OTOGL: variants seen among roughly 807,000 people sequenced by gnomAD.
OTOGL encodes otogelin-like protein.
A neutral mutation model predicts 318.5 loss-of-function variants in OTOGL; 285 were observed. That is an observed-to-expected ratio of 0.89 (90% CI 0.81 to 0.99). The LOEUF (loss-of-function observed/expected upper bound fraction) is 0.99. Ranked by LOEUF, OTOGL falls within the 50% of genes least tolerant of loss-of-function variation. OTOGL has a pLI of 0.00. For synonymous variants in OTOGL, 987 were observed against 936.5 expected (o/e 1.05, Z -0.99); for missense variants, 2,899 against 2,845.6 (o/e 1.02, Z -0.43).
intron 1 of OTOGL, among the ~76,000 whole-genome samples, chr12:80,128,188 T>C (rs1870982296): frequency 6.6e-6 from 1 of 152,178 alleles, no homozygotes; most frequent in Non-Finnish European, 1.5e-5. Flanking sequence ...CCTTTTGTCT[T>C]TGATGATGGT....
intron 1 of OTOGL, among the ~76,000 whole-genome samples, chr12:80,160,674 G>A (rs1873449126): frequency 6.6e-6 from 1 of 152,148 alleles, no homozygotes; most frequent in Admixed American, 6.6e-5. Context: ...AAACCGTGTG[G>A]AGATTCTTTC....
rs1002707739 is a variant in OTOGL, at chr12:80,251,881, C to T, written c.1159+82C>T. On this transcript the variant is annotated intron_variant, in intron 12 of 58. Coordinates refer to ENST00000547103, the MANE Select transcript of OTOGL (RefSeq NM_001378609.3). Reference sequence around the variant, plus strand: ...AGAACTCAAAACTTACTGTACTACTCAATACTAATGAATTGCAAGGATTTG... The same window carrying T: ...AGAACTCAAAACTTACTGTACTACTTAATACTAATGAATTGCAAGGATTTG... 4 of 1,266,414 alleles carry T rather than the reference C, an allele frequency of 3.2e-6. No individual in the cohort carries two copies. The African/African-American group carries it at 4.5e-5, about 14-fold the overall frequency. 78.4% of individuals were successfully genotyped at this position (1,266,414 alleles called of 1,614,324 possible).
At chr12:80,240,547 G>A (rs11114363) in intron 11 of OTOGL, among the ~76,000 whole-genome samples, 7,055 of 152,072 alleles carry the variant, frequency 0.046, 556 homozygotes, top group African/African-American at 0.16. Flanking sequence ...AGTGATTAGT[G>A]TAAACAGTGC....
Position 80,370,817 on chromosome 12 carries a change from A to G in OTOGL, c.6735+128A>G, listed in dbSNP as rs1326703777. The G allele has an allele frequency of 1.0e-5, 7 of 676,340 alleles. No individual in the cohort carries two copies. In the South Asian group the frequency reaches 2.7e-4, roughly 26 times the overall value. The allele number at this position is 676,340 out of a possible 1,614,324, so 41.9% of individuals were successfully genotyped here. A position where few individuals can be genotyped will look rare whatever the true frequency, so the allele number is the denominator to read the frequency against. On this transcript the variant is annotated intron_variant, in intron 56 of 58. Transcript: ENST00000547103. ...GGCGAATGTGTTATTTTCATGAATG[A>G]ATAAAAGCTCTGTTCTATTTTTCCC... is the stretch of plus-strand genomic sequence containing the variant.
At chr12:80,192,968 A>T (rs186279419) in intron 1 of OTOGL, among the ~76,000 whole-genome samples, 1 of 150,960 alleles carries the variant, frequency 6.6e-6, no homozygotes, top group Non-Finnish European at 1.5e-5. Flanking sequence ...ATTCTTACAT[A>T]GTATGGGCTC....
chr12:80,246,345 C>A (rs1880885027), intron 11 of OTOGL, among the ~76,000 whole-genome samples: 1 of 144,612 alleles, frequency 6.9e-6, no homozygotes, highest in Admixed American at 6.8e-5. Flanking sequence ...CCATCAATAC[C>A]TAATTTATTG....
At chr12:80,106,074 T>C (rs1345944068) in intron 1 of OTOGL, among the ~76,000 whole-genome samples, 2 of 152,144 alleles carry the variant, frequency 1.3e-5, no homozygotes, top group African/African-American at 4.8e-5. Flanking sequence ...TGGGCACAAA[T>C]CACAACTGCT....
At chr12:80,344,330 C>G (rs1312385936) in intron 44 of OTOGL, among the ~76,000 whole-genome samples, 1 of 152,130 alleles carries the variant, frequency 6.6e-6, no homozygotes, top group Non-Finnish European at 1.5e-5. Flanking sequence ...TGAAGCAATA[C>G]AGGATACCAT....
intron 35 of OTOGL, 60 bp from the exon 36 acceptor site, chr12:80,328,605 C>CTTTT: frequency 9.7e-7 from 1 of 1,026,914 alleles, no homozygotes; most frequent in Non-Finnish European, 1.4e-6. Context: ...AAATGTAGTC[C>CTTTT]TTTTTTTTTT....
intron 1 of OTOGL, chr12:80,103,328 C>G: frequency 6.4e-7 from 1 of 1,563,488 alleles, no homozygotes; most frequent in Non-Finnish European, 8.8e-7. Flanking sequence ...AGGGATTAAA[C>G]TTCATTTTGG....
intron 1 of OTOGL, among the ~76,000 whole-genome samples, chr12:80,169,887 A>G (rs929971568): frequency 1.3e-5 from 2 of 152,178 alleles, no homozygotes; most frequent in Non-Finnish European, 2.9e-5. Flanking sequence ...TGTATGGATC[A>G]CCAAAATTTT....
intron 32 of OTOGL, among the ~76,000 whole-genome samples, chr12:80,316,444 T>C (rs1347670100): frequency 6.6e-6 from 1 of 152,214 alleles, no homozygotes; most frequent in Non-Finnish European, 1.5e-5. Flanking sequence ...TCTCTACCTC[T>C]TGCTACTTGC....
At chr12:80,156,378 C>T (rs1183469058) in intron 1 of OTOGL, among the ~76,000 whole-genome samples, 1 of 152,194 alleles carries the variant, frequency 6.6e-6, no homozygotes, top group African/African-American at 2.4e-5. Flanking sequence ...ACCTTGTGGT[C>T]ACGTGAGTCA....
intron 1 of OTOGL, among the ~76,000 whole-genome samples, chr12:80,148,362 A>T (rs1244103668): frequency 6.7e-6 from 1 of 148,566 alleles, no homozygotes; most frequent in Non-Finnish European, 1.5e-5. Context: ...TCTTTTCTTT[A>T]AGAATGTTGA....
chr12:80,328,220 G>A (rs190821715), intron 35 of OTOGL, among the ~76,000 whole-genome samples: 1 of 152,100 alleles, frequency 6.6e-6, no homozygotes, highest in Non-Finnish European at 1.5e-5. Context: ...TCAGGAGGCT[G>A]AGGTGGGAAG....
chr12:80,366,753 C>T, intron 53 of OTOGL, 116 bp downstream of exon 53: 1 of 287,548 alleles, frequency 3.5e-6, no homozygotes, highest in Non-Finnish European at 6.1e-6. Flanking sequence ...AAGCCATTTG[C>T]CAGTATTTGA....
chr12:80,214,955 A>C (rs1165393915), intron 4 of OTOGL, among the ~76,000 whole-genome samples: 33 of 152,206 alleles, frequency 2.2e-4, no homozygotes, highest in Non-Finnish European at 8.8e-5. Context: ...GAAATGTATT[A>C]TGATGTATGG....
chr12:80,229,173 A>G (rs1879140584), intron 7 of OTOGL, 84 bp from the exon 8 acceptor site: 2 of 1,442,558 alleles, frequency 1.4e-6, no homozygotes, highest in East Asian at 2.3e-5. Flanking sequence ...ATGAAACTAT[A>G]TGATTGTAAA....
At chr12:80,336,845 A>T (rs1888440419) in intron 41 of OTOGL, 25 bp downstream of exon 41, 1 of 1,537,430 alleles carries the variant, frequency 6.5e-7, no homozygotes, top group Non-Finnish European at 8.8e-7. Flanking sequence ...AGTGTTTAGT[A>T]CATTCATTCT....
Sources: gnomAD v4.1 joint callset for allele counts (sites outside exome capture counted in the v4.1 genomes callset) on GRCh38, gnomAD v4.1.1 for gene constraint, MANE v1.5 for transcripts, NCBI Gene and HGNC (gene_info 2026-07-23, HGNC 2026-07-21) for gene names.